Variants in NPAS3 observed in about 807,000 individuals in gnomAD.
The protein encoded by NPAS3 is neuronal PAS domain protein 3.
Under a neutral mutation model 73.1 loss-of-function variants are expected in NPAS3, and 14 were observed. The observed-to-expected ratio is 0.19, with a 90% CI of 0.13 to 0.30. NPAS3 has a LOEUF of 0.30. NPAS3 is among the 10% of genes least tolerant of loss of function. The pLI, the probability that NPAS3 is intolerant of heterozygous loss-of-function variation, is 1.00. For missense variants in NPAS3, 1,096 were observed against 1,250.0 expected, an observed-to-expected ratio of 0.88 and a Z score of 1.86; for synonymous variants, 620 against 541.5, an observed-to-expected ratio of 1.14 and a Z score of -2.01.
chr14:33,486,237 G>A (rs991818686), intron 4 of NPAS3, among the ~76,000 whole-genome samples: 3 of 151,710 alleles, frequency 2.0e-5, no homozygotes, highest in African/African-American at 7.3e-5. Context: ...ATAGTCTAAC[G>A]GCGGCCAATT....
chr14:33,648,609 A>G (rs2058902007), intron 5 of NPAS3, among the ~76,000 whole-genome samples: 1 of 152,244 alleles, frequency 6.6e-6, no homozygotes, highest in Admixed American at 6.5e-5. Context: ...TTTGGCTTAC[A>G]GGGACAGCAC....
intron 4 of NPAS3, among the ~76,000 whole-genome samples, chr14:33,489,289 T>G (rs1273769549): frequency 6.6e-6 from 1 of 152,158 alleles, no homozygotes; most frequent in East Asian, 1.9e-4. Flanking sequence ...TTCCATGACA[T>G]CAGACTTCAC....
chr14:33,495,901 A>G (rs749645695), intron 4 of NPAS3, among the ~76,000 whole-genome samples: 3 of 152,122 alleles, frequency 2.0e-5, no homozygotes, highest in South Asian at 2.1e-4. Context: ...AAAAAAATCA[A>G]TGAATCCAGG....
intron 5 of NPAS3, among the ~76,000 whole-genome samples, chr14:33,566,979 G>A (rs1046535010): frequency 3.9e-5 from 6 of 152,346 alleles, no homozygotes; most frequent in South Asian, 2.1e-4. Flanking sequence ...CTTCAGGACC[G>A]TTGGTGTTTG....
At chr14:32,979,255 C>T (rs1159812528) in intron 1 of NPAS3, among the ~76,000 whole-genome samples, 1 of 152,090 alleles carries the variant, frequency 6.6e-6, no homozygotes, top group Non-Finnish European at 1.5e-5. Flanking sequence ...ACCTCTATGC[C>T]TTCAAACAAA....
chr14:33,529,016 C>T (rs1055080651), intron 4 of NPAS3, among the ~76,000 whole-genome samples: 5 of 152,022 alleles, frequency 3.3e-5, no homozygotes, highest in Admixed American at 2.0e-4. Flanking sequence ...CAAATTTCTC[C>T]CTCTATCCAG....
chr14:33,417,212 C>T (rs907365478), intron 4 of NPAS3, among the ~76,000 whole-genome samples: 89 of 151,962 alleles, frequency 5.9e-4, no homozygotes, highest in Non-Finnish European at 9.4e-4. Context: ...ATATTAAATG[C>T]AAATTCCTGG....
chr14:33,704,742 A>G (rs936886748), intron 6 of NPAS3, among the ~76,000 whole-genome samples: 1 of 152,234 alleles, frequency 6.6e-6, no homozygotes, highest in Non-Finnish European at 1.5e-5. Flanking sequence ...AACTGCTCAC[A>G]TTAACAAGAG....
At chr14:33,426,225 A>G (rs1023265554) in intron 4 of NPAS3, among the ~76,000 whole-genome samples, 1 of 152,014 alleles carries the variant, frequency 6.6e-6, no homozygotes, top group Non-Finnish European at 1.5e-5. Flanking sequence ...CCATGTTAAG[A>G]AGAAAGCATG....
Position 33,460,537 on chromosome 14 carries a change from A to G in NPAS3, c.468+93269A>G, listed in dbSNP as rs546962372. 5.9e-5 allele frequency among the ~76,000 whole-genome samples: 9 copies of G among 152,308 alleles called. No individual in the cohort carries two copies. In the South Asian group the frequency reaches 1.9e-3, roughly 32 times the overall value. On this transcript the variant is annotated intron_variant, in intron 4 of 11. Transcript: ENST00000356141. The stretch of plus-strand genomic sequence containing the variant: ...GACTCTTCCCAAAAATATATGTATC[A>G]ACCCTTTCTGAATTCTAAACTTTCC...
intron 4 of NPAS3, among the ~76,000 whole-genome samples, chr14:33,436,383 A>C (rs2048991634): frequency 6.6e-6 from 1 of 152,196 alleles, no homozygotes; most frequent in African/African-American, 2.4e-5. Flanking sequence ...GGTATATTTC[A>C]ACACACCTTT....
intron 2 of NPAS3, among the ~76,000 whole-genome samples, chr14:33,196,517 T>G (rs2046360022): frequency 6.6e-6 from 1 of 152,154 alleles, no homozygotes; most frequent in African/African-American, 2.4e-5. Context: ...TGAGGATCTG[T>G]TAGATTGATG....
chr14:33,157,848 T>A (rs928576681), intron 2 of NPAS3, among the ~76,000 whole-genome samples: 1 of 152,178 alleles, frequency 6.6e-6, no homozygotes, highest in African/African-American at 2.4e-5. Flanking sequence ...AGTCATCTCA[T>A]CTGTGAGATG....
At chr14:33,693,473 C>T (rs2060289751) in intron 6 of NPAS3, among the ~76,000 whole-genome samples, 3 of 152,036 alleles carry the variant, frequency 2.0e-5, no homozygotes, top group East Asian at 1.9e-4. Context: ...TACATGATCC[C>T]GTCAATGTGG....
At chr14:33,239,644 C>T (rs2048153387) in intron 3 of NPAS3, among the ~76,000 whole-genome samples, 1 of 151,796 alleles carries the variant, frequency 6.6e-6, no homozygotes, top group East Asian at 1.9e-4. Context: ...ATTTTCAACA[C>T]TTGAGGGATA....
At chr14:33,434,114 C>G (rs192199506) in intron 4 of NPAS3, among the ~76,000 whole-genome samples, 155 of 152,278 alleles carry the variant, frequency 1.0e-3, no homozygotes, top group African/African-American at 3.4e-3. Flanking sequence ...ACCGCTTGAA[C>G]CCAGGAGGCG....
intron 1 of NPAS3, among the ~76,000 whole-genome samples, chr14:32,949,432 G>T (rs1287864692): frequency 6.6e-6 from 1 of 151,934 alleles, no homozygotes; most frequent in Non-Finnish European, 1.5e-5. Flanking sequence ...TGAAGGGAGG[G>T]TTAATTGTTA....
intron 6 of NPAS3, among the ~76,000 whole-genome samples, chr14:33,704,858 C>G (rs1475599577): frequency 1.3e-5 from 2 of 152,060 alleles, no homozygotes; most frequent in African/African-American, 2.4e-5. Context: ...TTTATAAAAG[C>G]CTGACATAAC....
intron 5 of NPAS3, among the ~76,000 whole-genome samples, chr14:33,585,582 C>T (rs768895367): frequency 2.0e-4 from 30 of 152,226 alleles, no homozygotes; most frequent in African/African-American, 2.6e-4. Flanking sequence ...TCTCAGTAGG[C>T]TGAAAACAAA....
Sources: allele counts gnomAD v4.1 joint callset (sites outside exome capture counted in the v4.1 genomes callset), GRCh38; gene constraint gnomAD v4.1.1; transcripts MANE v1.5; gene names NCBI Gene and HGNC (gene_info 2026-07-23, HGNC 2026-07-21).